The following ASAP1 variants were observed in gnomAD, a reference collection of about 807,000 sequenced individuals.
The protein encoded by ASAP1 is ArfGAP with SH3 domain, ankyrin repeat and PH domain 1.
A neutral mutation model predicts 145.2 loss-of-function variants in ASAP1; 43 were observed. The observed-to-expected ratio is 0.30, with a 90% confidence interval of 0.23 to 0.38. The LOEUF (loss-of-function observed/expected upper bound fraction) is 0.38, where lower values mean the gene tolerates loss of function less well. ASAP1 is among the 10% of genes least tolerant of loss of function. ASAP1 has a pLI of 1.00. For synonymous variants in ASAP1, 546 were observed against 515.5 expected (o/e 1.06, Z -0.80); for missense variants, 1,018 against 1,355.3 (o/e 0.75, Z 3.91).
intron 13 of ASAP1, among the ~76,000 whole-genome samples, chr8:130,140,152 C>G (rs960335315): frequency 2.0e-5 from 3 of 151,506 alleles, no homozygotes; most frequent in African/African-American, 7.3e-5. Context: ...CCCACCTCAG[C>G]CTCCCAAGTA....
intron 3 of ASAP1, among the ~76,000 whole-genome samples, chr8:130,269,524 GCCTC>G (rs1043645022): frequency 1.3e-5 from 2 of 152,198 alleles, no homozygotes; most frequent in Admixed American, 6.5e-5. Context: ...AGATTAAACT[GCCTC>G]CCAGTAATAC....
chr8:130,192,542 T>A (rs1815211148), intron 5 of ASAP1, among the ~76,000 whole-genome samples: 1 of 152,178 alleles, frequency 6.6e-6, no homozygotes, highest in Admixed American at 6.5e-5. Flanking sequence ...TTCCCTAGCA[T>A]CCTCCTATCC....
intron 1 of ASAP1, among the ~76,000 whole-genome samples, chr8:130,405,945 T>C (rs78619392): frequency 0.018 from 2,790 of 152,224 alleles, 95 homozygotes; most frequent in African/African-American, 0.058. Context: ...ACTGTTCCTA[T>C]ACTAGTCAAG....
At chr8:130,055,531 C>T (rs2097402053) in intron 29 of ASAP1, among the ~76,000 whole-genome samples, 1 of 138,802 alleles carries the variant, frequency 7.2e-6, no homozygotes, top group South Asian at 2.3e-4. Flanking sequence ...GTTGTTCTAG[C>T]CAGTAAAAAA....
At chr8:130,250,620 G>C (rs72724407) in intron 3 of ASAP1, among the ~76,000 whole-genome samples, 5,294 of 152,150 alleles carry the variant, frequency 0.035, 126 homozygotes, top group Middle Eastern at 0.065. Flanking sequence ...GGTCATTGTG[G>C]GTTTTGTTTT....
chr8:130,169,074 TTAAAAAAATCAGAGATTTACCACCAGTA>T lies in ASAP1; in HGVS notation c.747-35_747-8del. ...CAAGCCATCTTGAAAGAAACTACAATTAAAAAAATCAGAGATTTACCACCAGTATAAAAAAAAAAGAGTATTTGTTTCC... is the reference window on the plus strand; with the variant it reads ...CAAGCCATCTTGAAAGAAACTACAATTAAAAAAAAAAGAGTATTTGTTTCC... On this transcript the variant is annotated splice_polypyrimidine_tract_variant and splice_region_variant and intron_variant, in intron 9 of 29. Transcript: ENST00000518721. 1 of 1,532,868 alleles carries T rather than the reference TTAAAAAAATCAGAGATTTACCACCAGTA, an allele frequency of 6.5e-7. No homozygotes were observed. Among genetic ancestry groups the T allele is most frequent in the Non-Finnish European group, 8.8e-7 (1 of 1,137,790 alleles). 95.0% of individuals were successfully genotyped at this position (1,532,868 alleles called of 1,614,324 possible).
In ASAP1 at chr8:130,131,360, G is replaced by A. The variant is rs576290347; in HGVS notation, c.1217+2936C>T. Among the ~76,000 whole-genome samples, 16 of 152,160 alleles carry A rather than the reference G, an allele frequency of 1.1e-4. No individual in the cohort carries two copies. In the South Asian group the frequency reaches 1.5e-3, roughly 14 times the overall value. On this transcript the variant is annotated intron_variant, in intron 15 of 29. Coordinates refer to ENST00000518721, the MANE Select transcript of ASAP1 (RefSeq NM_018482.4). ...CAGTGAAACTGCCTCTATGTAACCT[G>A]GAGGTAAGTGAAGAACTAAGGCTTC...
intron 1 of ASAP1, among the ~76,000 whole-genome samples, chr8:130,402,851 T>G (rs1002946774): frequency 9.2e-5 from 14 of 151,470 alleles, no homozygotes; most frequent in Non-Finnish European, 1.6e-4. Flanking sequence ...CTAACTGATC[T>G]CCCCTCATCA....
chr8:130,292,612 A>C (rs1822014029), intron 3 of ASAP1, among the ~76,000 whole-genome samples: 2 of 152,240 alleles, frequency 1.3e-5, no homozygotes, highest in African/African-American at 4.8e-5. Flanking sequence ...TTCCTGGTCC[A>C]GATTATTCTC....
chr8:130,197,298 T>C (rs1017438254), intron 5 of ASAP1, among the ~76,000 whole-genome samples: 5 of 152,224 alleles, frequency 3.3e-5, no homozygotes, highest in African/African-American at 1.2e-4. Flanking sequence ...GGCTTGGTAG[T>C]GCATGCCTAA....
At chr8:130,224,401 A>G (rs1036305612) in intron 4 of ASAP1, among the ~76,000 whole-genome samples, 1 of 152,310 alleles carries the variant, frequency 6.6e-6, no homozygotes, top group South Asian at 2.1e-4. Flanking sequence ...TTAAAATTAT[A>G]TAAGTAATTC....
intron 27 of ASAP1, 138 bp downstream of exon 27, chr8:130,076,210 C>T (rs2097462004): frequency 1.8e-6 from 1 of 557,288 alleles, no homozygotes; most frequent in Admixed American, 3.6e-5. Context: ...TGTGTATTTA[C>T]TAGGCATCCA....
intron 1 of ASAP1, among the ~76,000 whole-genome samples, chr8:130,437,903 GAC>G (rs1830370925): frequency 6.6e-6 from 1 of 152,190 alleles, no homozygotes; most frequent in African/African-American, 2.4e-5. Context: ...CCACTGGAGG[GAC>G]ATACTTACTT....
At chr8:130,354,223 T>C (rs1488556384) in intron 3 of ASAP1, among the ~76,000 whole-genome samples, 1 of 152,150 alleles carries the variant, frequency 6.6e-6, no homozygotes, top group Non-Finnish European at 1.5e-5. Flanking sequence ...TTTTATTTAC[T>C]AGCCACTTGA....
At chr8:130,245,498 C>A (rs1387874935) in intron 3 of ASAP1, among the ~76,000 whole-genome samples, 3 of 152,172 alleles carry the variant, frequency 2.0e-5, no homozygotes, top group Non-Finnish European at 4.4e-5. Context: ...AAAAATTTAA[C>A]ATACCACCTT....
intron 3 of ASAP1, among the ~76,000 whole-genome samples, chr8:130,329,064 T>A: frequency 6.6e-6 from 1 of 152,192 alleles, no homozygotes. Flanking sequence ...CAGAGGCACT[T>A]CATTTTACTC....
At chr8:130,160,746 A>C (rs2097667438) in intron 11 of ASAP1, 2 of 1,232,344 alleles carry the variant, frequency 1.6e-6, no homozygotes, top group African/African-American at 1.6e-5. Context: ...TTAGACATAC[A>C]AGTAGGACAA....
chr8:130,273,421 G>A (rs1820699558), intron 3 of ASAP1, among the ~76,000 whole-genome samples: 1 of 152,180 alleles, frequency 6.6e-6, no homozygotes, highest in African/African-American at 2.4e-5. Context: ...AGGAAGCAAA[G>A]TAGCAGGAGG....
chr8:130,335,605 G>A lies in ASAP1; in HGVS notation c.186+22412C>T, dbSNP rs548099680. 3.9e-5 allele frequency among the ~76,000 whole-genome samples: 6 copies of A among 152,282 alleles called. 1 individual carries two copies. The South Asian group carries it at 1.2e-3, about 32-fold the overall frequency. ...CTAAAGAGCATACAACCACCCTAGTGGAAAAAGAGATGGAAAAAAAGAGTT... is the reference window on the plus strand; with the variant it reads ...CTAAAGAGCATACAACCACCCTAGTAGAAAAAGAGATGGAAAAAAAGAGTT... On this transcript the variant is annotated intron_variant, in intron 3 of 29. Coordinates refer to ENST00000518721, the MANE Select transcript of ASAP1 (RefSeq NM_018482.4).
Sources: allele counts gnomAD v4.1 joint callset (sites outside exome capture counted in the v4.1 genomes callset), GRCh38; gene constraint gnomAD v4.1.1; transcripts MANE v1.5; gene names NCBI Gene and HGNC (gene_info 2026-07-23, HGNC 2026-07-21).